The following AKAP12 variants were observed in gnomAD, a reference collection of about 807,000 sequenced individuals.
AKAP12 encodes A-kinase anchoring protein 12.
AKAP12 carries 32 observed loss-of-function variants against 79.9 expected under a neutral mutation model. That is an observed-to-expected ratio of 0.40 (90% CI 0.30 to 0.54). AKAP12 has a LOEUF of 0.54. AKAP12 is among the 20% of genes least tolerant of loss of function. The probability of loss-of-function intolerance (pLI) is 0.48; values close to 1 mark genes in which losing one functional copy is unlikely to be tolerated. For synonymous variants in AKAP12, 808 were observed against 857.0 expected, an observed-to-expected ratio of 0.94 and a Z score of 1.00; for missense variants, 2,074 against 2,177.0, an observed-to-expected ratio of 0.95 and a Z score of 0.94.
intron 3 of AKAP12, 29 bp from the exon 4 acceptor site, chr6:151,348,682 C>CGA: frequency 5.0e-6 from 1 of 198,918 alleles, no homozygotes; most frequent in Non-Finnish European, 9.9e-6. Flanking sequence ...TTCTCTTCTC[C>CGA]CCACCCCCCC....
intron 2 of AKAP12, among the ~76,000 whole-genome samples, chr6:151,265,038 C>G (rs1173967893): frequency 6.6e-6 from 1 of 151,814 alleles, no homozygotes; most frequent in Non-Finnish European, 1.5e-5. Context: ...ATAATCCCAG[C>G]TACTCGAGAG....
At chr6:151,250,143 G>T (rs1391968373) in intron 2 of AKAP12, among the ~76,000 whole-genome samples, 1 of 152,050 alleles carries the variant, frequency 6.6e-6, no homozygotes, top group Non-Finnish European at 1.5e-5. Flanking sequence ...TAGTTGGGAG[G>T]CTGAGGTGGG....
At chr6:151,259,507 TATATACACACACACAC>T (rs1797375437) in intron 2 of AKAP12, among the ~76,000 whole-genome samples, 2 of 122,492 alleles carry the variant, frequency 1.6e-5, no homozygotes, top group Non-Finnish European at 1.6e-5. Flanking sequence ...CATGTATATA[TATATACACACACACAC>T]ACACACACAC....
chr6:151,309,734 A>T (rs1007991199), intron 3 of AKAP12, among the ~76,000 whole-genome samples: 2 of 152,222 alleles, frequency 1.3e-5, no homozygotes, highest in African/African-American at 4.8e-5. Flanking sequence ...ACAATGAGGC[A>T]TGGACACAAA....
At position 151,240,562 on chromosome 6, in the gene AKAP12, C is replaced by G. The variant is rs576294094; in HGVS notation, c.-1C>G. The G allele has an allele frequency of 6.9e-4, 999 of 1,442,878 alleles. 1 individual carries two copies. The highest frequency in any genetic ancestry group is 8.7e-4 in the Non-Finnish European group (956 of 1,104,426). The allele number at this position is 1,442,878 out of a possible 1,614,324, so 89.4% of individuals were successfully genotyped here. On this transcript the variant is annotated 5_prime_UTR_variant, in exon 2 of 5. Coordinates refer to ENST00000402676, the MANE Select transcript of AKAP12 (RefSeq NM_005100.4). Reference sequence around the variant, plus strand: ...AGGCGCGGGAGAAGTGCGGAGGAGCCATGGGCGCCGGGAGCTCCACCGAGC... The same window carrying G: ...AGGCGCGGGAGAAGTGCGGAGGAGCGATGGGCGCCGGGAGCTCCACCGAGC...
rs556501798 is a variant in AKAP12 at position 151,345,711 on chromosome 6, C to A, written c.320-3000C>A. On this transcript the variant is annotated intron_variant, in intron 3 of 4. Coordinates refer to ENST00000402676, the MANE Select transcript of AKAP12 (RefSeq NM_005100.4). ...ACTCGGGAGGCTGAGGCAGGAGAATCGCTTGAACCCGGGAGGTGGAGGTTG... is the reference window on the plus strand; with the variant it reads ...ACTCGGGAGGCTGAGGCAGGAGAATAGCTTGAACCCGGGAGGTGGAGGTTG... 2.0e-5 allele frequency among the ~76,000 whole-genome samples: 3 copies of A among 150,574 alleles called. No individual in the cohort carries two copies. The South Asian group carries it at 6.3e-4, about 32-fold the overall frequency.
intron 2 of AKAP12, among the ~76,000 whole-genome samples, chr6:151,301,670 A>G (rs1022591960): frequency 3.3e-5 from 5 of 152,144 alleles, no homozygotes; most frequent in Non-Finnish European, 7.4e-5. Context: ...TTTTGTGCGG[A>G]TGTTGGTGCC....
intron 2 of AKAP12, among the ~76,000 whole-genome samples, chr6:151,268,945 G>GTTTTTTTTTTTTT (rs558502756): frequency 2.6e-5 from 2 of 77,414 alleles, no homozygotes; most frequent in South Asian, 4.6e-4. Context: ...TGCTCGGCCT[G>GTTTTTTTTTTTTT]TTTTTTTTTT....
chr6:151,255,253 C>T (rs1414344671), intron 2 of AKAP12, among the ~76,000 whole-genome samples: 1 of 151,812 alleles, frequency 6.6e-6, no homozygotes. Context: ...GCAACCTCTG[C>T]CTCCCGGGTT....
intron 2 of AKAP12, among the ~76,000 whole-genome samples, chr6:151,275,720 T>G (rs1453126659): frequency 3.9e-5 from 6 of 152,240 alleles, no homozygotes; most frequent in Non-Finnish European, 2.9e-5. Context: ...GGGATTATTT[T>G]CCTACCATCT....
intron 3 of AKAP12, among the ~76,000 whole-genome samples, chr6:151,336,393 TA>T (rs558778019): frequency 2.6e-4 from 40 of 152,338 alleles, no homozygotes; most frequent in African/African-American, 8.9e-4. Flanking sequence ...TGGCAATGTA[TA>T]AATATTCCCT....
chr6:151,246,974 G>A (rs958807594), intron 2 of AKAP12, among the ~76,000 whole-genome samples: 2 of 152,064 alleles, frequency 1.3e-5, no homozygotes, highest in Non-Finnish European at 2.9e-5. Flanking sequence ...TTTATTTTTG[G>A]TAGAGACAAG....
intron 3 of AKAP12, among the ~76,000 whole-genome samples, chr6:151,336,171 A>G (rs1039708351): frequency 1.3e-5 from 2 of 152,154 alleles, no homozygotes; most frequent in Non-Finnish European, 2.9e-5. Flanking sequence ...TCAAACTTTG[A>G]TGGACACTTG....
At chr6:151,254,645 A>G (rs1332244576) in intron 2 of AKAP12, among the ~76,000 whole-genome samples, 1 of 152,108 alleles carries the variant, frequency 6.6e-6, no homozygotes, top group African/African-American at 2.4e-5. Context: ...CTGGCCTTAG[A>G]TCAGTCTTCA....
chr6:151,348,979 C>T lies in AKAP12; in HGVS notation c.588C>T (p.Val196=). ...KKDKTEKPDT[V]QLLTVKKDEG... ...ATAAGACAGAGAAGCCTGACACTGT[C>T]CAGCTACTCACTGTGAAGAAAGATG... The change falls in exon 4 of 5, where the codon GTC becomes GTT. Residue 196 remains valine (V), a synonymous_variant. Coordinates refer to ENST00000402676, the MANE Select transcript of AKAP12 (RefSeq NM_005100.4). 1.2e-6 allele frequency: 2 copies of T among 1,614,074 alleles called. No individual in the cohort carries two copies. The highest frequency in any genetic ancestry group is 1.7e-6 in the Non-Finnish European group (2 of 1,180,014).
chr6:151,314,625 T>C (rs1381665153), intron 3 of AKAP12, among the ~76,000 whole-genome samples: 5 of 152,200 alleles, frequency 3.3e-5, no homozygotes, highest in African/African-American at 1.2e-4. Flanking sequence ...CAGTCAGCCT[T>C]GGAGATGTTA....
Position 151,308,471 on chromosome 6 carries a change from C to T in AKAP12, c.319+2568C>T, listed in dbSNP as rs532213967. On this transcript the variant is annotated intron_variant, in intron 3 of 4. Transcript: ENST00000402676. ...CAAGTGATCCGCCCGCCTCAGCCTC[C>T]CAGAGTGCTGGAATTACAGACGTGA... Among the ~76,000 whole-genome samples the T allele has an allele frequency of 1.4e-3, 219 of 152,228 alleles. 1 individual carries two copies. Among genetic ancestry groups the T allele is most frequent in the African/African-American group, 5.2e-3 (215 of 41,532 alleles).
At chr6:151,264,092 A>T (rs1252474344) in intron 2 of AKAP12, among the ~76,000 whole-genome samples, 1 of 152,076 alleles carries the variant, frequency 6.6e-6, no homozygotes, top group African/African-American at 2.4e-5. Flanking sequence ...TCATGAGGAA[A>T]GCTAATGGTA....
At chr6:151,261,169 C>T (rs1046022916) in intron 2 of AKAP12, among the ~76,000 whole-genome samples, 10 of 151,776 alleles carry the variant, frequency 6.6e-5, no homozygotes, top group Non-Finnish European at 1.3e-4. Context: ...GGGTGGGTCA[C>T]CTGAGGTCAG....
Sources: allele counts gnomAD v4.1 joint callset (sites outside exome capture counted in the v4.1 genomes callset), GRCh38; gene constraint gnomAD v4.1.1; transcripts MANE v1.5; gene names NCBI Gene and HGNC (gene_info 2026-07-23, HGNC 2026-07-21).